Variants in SIPA1L1 observed in about 807,000 individuals in gnomAD.
SIPA1L1 encodes signal induced proliferation associated 1 like 1.
SIPA1L1 carries 26 observed loss-of-function variants against 162.7 expected under a neutral mutation model. The ratio of observed to expected loss-of-function variants is 0.16; its 90% CI spans 0.12 to 0.22. SIPA1L1 has a LOEUF of 0.22. Among genes scored for constraint, SIPA1L1 ranks in the 10% least tolerant of loss-of-function variants. The probability of loss-of-function intolerance (pLI) is 1.00; values close to 1 mark genes in which losing one functional copy is unlikely to be tolerated. For synonymous variants in SIPA1L1, 829 were observed against 837.4 expected, an observed-to-expected ratio of 0.99 and a Z score of 0.17; for missense variants, 1,874 against 2,241.0, an observed-to-expected ratio of 0.84 and a Z score of 3.31.
chr14:71,611,614 C>T (rs1341297340), intron 5 of SIPA1L1, among the ~76,000 whole-genome samples: 2 of 152,052 alleles, frequency 1.3e-5, no homozygotes, highest in African/African-American at 2.4e-5. Context: ...TGTCCATGTT[C>T]TCATTGTTCA....
At chr14:71,437,100 T>A (rs2044445773) in intron 2 of SIPA1L1, among the ~76,000 whole-genome samples, 1 of 152,120 alleles carries the variant, frequency 6.6e-6, no homozygotes, top group Non-Finnish European at 1.5e-5. Flanking sequence ...CTGATAATCT[T>A]ATTGGGATTG....
At chr14:71,384,741 C>G (rs1187290805) in intron 2 of SIPA1L1, among the ~76,000 whole-genome samples, 1 of 152,148 alleles carries the variant, frequency 6.6e-6, no homozygotes, top group South Asian at 2.1e-4. Flanking sequence ...TAAACTCATT[C>G]TTTGGATATT....
At chr14:71,501,866 A>AAAAT (rs765314080) in intron 2 of SIPA1L1, among the ~76,000 whole-genome samples, 8 of 151,792 alleles carry the variant, frequency 5.3e-5, no homozygotes, top group East Asian at 3.9e-4. Context: ...CCGTCTCTAC[A>AAAAT]AAATAAATAA....
chr14:71,680,773 A>G lies in SIPA1L1; in HGVS notation c.3105-4589A>G, dbSNP rs1024534192. Among the ~76,000 whole-genome samples the G allele has an allele frequency of 7.9e-5, 12 of 152,218 alleles. No individual in the cohort carries two copies. The South Asian group carries it at 2.5e-3, about 32-fold the overall frequency. On this transcript the variant is annotated intron_variant, in intron 12 of 23. Coordinates refer to ENST00000381232, the MANE Select transcript of SIPA1L1 (RefSeq NM_001386936.1). ...TCACCACCGATCCCACAGAAACACAAACTATCATCAGAATACTATAAACAC... is the reference window on the plus strand; with the variant it reads ...TCACCACCGATCCCACAGAAACACAGACTATCATCAGAATACTATAAACAC...
chr14:71,342,450 A>C (rs1419088686), intron 2 of SIPA1L1, among the ~76,000 whole-genome samples: 1 of 152,220 alleles, frequency 6.6e-6, no homozygotes, highest in African/African-American at 2.4e-5. Context: ...CCAACAGTGT[A>C]TAAGAGTCCC....
intron 2 of SIPA1L1, among the ~76,000 whole-genome samples, chr14:71,485,424 C>T (rs1161915051): frequency 6.6e-6 from 1 of 152,174 alleles, no homozygotes; most frequent in Non-Finnish European, 1.5e-5. Flanking sequence ...CACCTGAGCT[C>T]CGCCTCTTGT....
intron 19 of SIPA1L1, 48 bp from the exon 20 acceptor site, chr14:71,730,007 A>G (rs1566751352): frequency 6.3e-7 from 1 of 1,585,244 alleles, no homozygotes; most frequent in African/African-American, 1.3e-5. Flanking sequence ...GGTCTCAGGG[A>G]TCTGAACCAG....
chr14:71,614,802 C>T (rs2038639571), intron 5 of SIPA1L1, among the ~76,000 whole-genome samples: 3 of 152,094 alleles, frequency 2.0e-5, no homozygotes, highest in Non-Finnish European at 4.4e-5. Context: ...TAATGACACA[C>T]CAAAAGTTTG....
chr14:71,661,577 C>A, intron 10 of SIPA1L1, 110 bp downstream of exon 10: 2 of 1,164,858 alleles, frequency 1.7e-6, no homozygotes, highest in South Asian at 3.3e-5. Flanking sequence ...ATTACTATTT[C>A]TTTTTGTCTT....
At chr14:71,698,932 G>A (rs1045036115) in intron 13 of SIPA1L1, 49 bp from the exon 14 acceptor site, 4 of 1,607,226 alleles carry the variant, frequency 2.5e-6, no homozygotes, top group Non-Finnish European at 3.4e-6. Context: ...GTTGCCTTGG[G>A]ATTTTCCCTT....
At chr14:71,442,979 T>C (rs575622304) in intron 2 of SIPA1L1, among the ~76,000 whole-genome samples, 2 of 152,270 alleles carry the variant, frequency 1.3e-5, no homozygotes, top group East Asian at 3.9e-4. Context: ...TAAAAGAGCC[T>C]ATGTTTTTGT....
At chr14:71,556,106 T>TA (rs569759942) in intron 4 of SIPA1L1, among the ~76,000 whole-genome samples, 4 of 152,080 alleles carry the variant, frequency 2.6e-5, no homozygotes, top group Non-Finnish European at 4.4e-5. Flanking sequence ...CTTCAATTTG[T>TA]AAAAAAAACA....
intron 2 of SIPA1L1, among the ~76,000 whole-genome samples, chr14:71,481,160 A>G (rs953866211): frequency 1.3e-5 from 2 of 152,186 alleles, no homozygotes; most frequent in Admixed American, 6.5e-5. Context: ...AACCCCTTGC[A>G]TAAGTTCAGG....
At position 71,588,176 on chromosome 14, in the gene SIPA1L1, A is replaced by C; in HGVS notation, c.304A>C (p.Thr102Pro). The change falls in exon 5 of 24, where the codon ACC becomes CCC. Residue 102 changes from threonine to proline, a missense_variant. Coordinates refer to ENST00000381232, the MANE Select transcript of SIPA1L1 (RefSeq NM_001386936.1). This position sits in a 1 kb window ranked among gnomAD's most constrained non-coding sequence, Gnocchi z 4.3. ...TAGCCGTTCAAGCCAGGAAATAGAA[A>C]CCTCAAGTTGCCTTGATAGCCTGTC... Reference protein sequence around the residue: ...ESSRSSQEIETSSCLDSLSSK... With the variant: ...ESSRSSQEIEPSSCLDSLSSK... 1 of 1,614,172 alleles carries C rather than the reference A, an allele frequency of 6.2e-7. No homozygotes were observed. Among genetic ancestry groups the C allele is most frequent in the Non-Finnish European group, 8.5e-7 (1 of 1,180,008 alleles).
chr14:71,694,469 T>C (rs1294171103), intron 13 of SIPA1L1, among the ~76,000 whole-genome samples: 1 of 152,110 alleles, frequency 6.6e-6, no homozygotes, highest in Non-Finnish European at 1.5e-5. Context: ...CATGACTTTT[T>C]CAATTGCGCA....
At chr14:71,648,452 C>T (rs992548003) in intron 7 of SIPA1L1, among the ~76,000 whole-genome samples, 12 of 152,066 alleles carry the variant, frequency 7.9e-5, no homozygotes, top group Admixed American at 2.0e-4. Flanking sequence ...TGACATTTTC[C>T]GTTATCACGA....
intron 7 of SIPA1L1, 131 bp from the exon 8 acceptor site, chr14:71,650,204 A>G: frequency 2.2e-6 from 2 of 925,954 alleles, no homozygotes; most frequent in Non-Finnish European, 3.5e-6. Context: ...GACGGAAAAT[A>G]CAGAAGGATT....
intron 13 of SIPA1L1, among the ~76,000 whole-genome samples, chr14:71,692,989 A>G (rs1287331178): frequency 6.6e-6 from 1 of 152,132 alleles, no homozygotes; most frequent in Non-Finnish European, 1.5e-5. Context: ...CCATGACTCA[A>G]GTAGGTCACA....
At chr14:71,684,925 C>T (rs1394050094) in intron 12 of SIPA1L1, among the ~76,000 whole-genome samples, 7 of 149,346 alleles carry the variant, frequency 4.7e-5, no homozygotes, top group Admixed American at 2.7e-4. Flanking sequence ...TGTGCAGTGG[C>T]GGGTTGTGAA....
Sources: allele counts gnomAD v4.1 joint callset (sites outside exome capture counted in the v4.1 genomes callset), GRCh38; gene constraint gnomAD v4.1.1; non-coding constraint Gnocchi (gnomAD v3.1); transcripts MANE v1.5; gene names NCBI Gene and HGNC (gene_info 2026-07-23, HGNC 2026-07-21).